The following GCN1 variants were observed in gnomAD, a reference collection of about 807,000 sequenced individuals.
GCN1 encodes stalled ribosome sensor GCN1.
A neutral mutation model predicts 288.4 loss-of-function variants in GCN1; 90 were observed. That is an observed-to-expected ratio of 0.31 (90% CI 0.26 to 0.37). GCN1 has a LOEUF of 0.37. Ranked by LOEUF, GCN1 falls within the 10% of genes least tolerant of loss-of-function variation. The pLI, the probability that GCN1 is intolerant of heterozygous loss-of-function variation, is 1.00. For synonymous variants in GCN1, 1,386 were observed against 1,420.2 expected, an observed-to-expected ratio of 0.98 and a Z score of 0.54; for missense variants, 2,586 against 3,419.9, an observed-to-expected ratio of 0.76 and a Z score of 6.08.
At chr12:120,157,578 T>C (rs1877789670) in intron 26 of GCN1, among the ~76,000 whole-genome samples, 1 of 152,218 alleles carries the variant, frequency 6.6e-6, no homozygotes, top group Non-Finnish European at 1.5e-5. Flanking sequence ...GGTACATCCA[T>C]AGCACAGAAT....
In GCN1 at chr12:120,158,426, C is replaced by G; in HGVS notation, c.2905+34G>C. 6.6e-7 allele frequency: 1 copy of G among 1,510,642 alleles called. No individual in the cohort carries two copies. The highest frequency in any genetic ancestry group is 1.3e-5 in the South Asian group (1 of 78,546). 93.6% of individuals were successfully genotyped at this position (1,510,642 alleles called of 1,614,324 possible). On this transcript the variant is annotated intron_variant, in intron 25 of 57. Transcript: ENST00000300648. This position sits in a 1 kb window ranked among gnomAD's most constrained non-coding sequence, Gnocchi z 4.3. The stretch of plus-strand genomic sequence containing the variant: ...CAGCATTCCTGGCACCAGCTCACAC[C>G]GCCTGGTGCCCCTGATCCCGTCCCA...
chr12:120,140,457 AC>A (rs1333079331), intron 45 of GCN1, among the ~76,000 whole-genome samples: 3 of 151,344 alleles, frequency 2.0e-5, no homozygotes, highest in Non-Finnish European at 4.4e-5. Flanking sequence ...GTGAGTGCAC[AC>A]CCCCTCCCGC....
chr12:120,189,970 ACT>A (rs916558485), intron 2 of GCN1, among the ~76,000 whole-genome samples: 3 of 152,014 alleles, frequency 2.0e-5, no homozygotes, highest in Non-Finnish European at 4.4e-5. Flanking sequence ...ACATCGTGAG[ACT>A]CTGTCTCAAA....
At chr12:120,135,259 C>T (rs781554707) in intron 51 of GCN1, among the ~76,000 whole-genome samples, 1 of 152,188 alleles carries the variant, frequency 6.6e-6, no homozygotes, top group Non-Finnish European at 1.5e-5. Context: ...CAAATGTGTA[C>T]CCACCTAACT....
chr12:120,129,297 C>A lies in GCN1; in HGVS notation c.7869G>T (p.Arg2623=), dbSNP rs1314171220. Reference sequence around the variant, plus strand: ...CCACCTGAAACACCTCTTCACCCTGCCGCATCTTGAGGAGGTTGACAATTG... The same window carrying A: ...CCACCTGAAACACCTCTTCACCCTGACGCATCTTGAGGAGGTTGACAATTG... ...DQAIVNLLKM[R]QGEEVFQSLS... Residue 2623 remains arginine, a synonymous_variant, in exon 57 of 58, where the codon CGG becomes CGT. Transcript: ENST00000300648. 1 of 1,613,954 alleles carries A rather than the reference C, an allele frequency of 6.2e-7. No individual in the cohort carries two copies. Among genetic ancestry groups the A allele is most frequent in the East Asian group, 2.2e-5 (1 of 44,876 alleles).
At position 120,144,533 on chromosome 12, in the gene GCN1, G is replaced by T; in HGVS notation, c.5353-85C>A. ...ACATGGGGCTCACTGAAGGCTGAGG[G>T]CTCTGCCAACCAACCCCAGCCAGCA... On this transcript the variant is annotated intron_variant, in intron 41 of 57. Coordinates refer to ENST00000300648, the MANE Select transcript of GCN1 (RefSeq NM_006836.2). This position sits in a 1 kb window ranked among gnomAD's most constrained non-coding sequence, Gnocchi z 4.7. 1 of 1,564,638 alleles carries T rather than the reference G, an allele frequency of 6.4e-7. No homozygotes were observed. The highest frequency in any genetic ancestry group is 8.7e-7 in the Non-Finnish European group (1 of 1,148,328).
intron 33 of GCN1, 90 bp from the exon 34 acceptor site, chr12:120,151,481 C>G (rs1333897670): frequency 7.4e-7 from 1 of 1,347,216 alleles, no homozygotes; most frequent in African/African-American, 1.4e-5. Context: ...CAGCACCCAC[C>G]ACTAGATGTC....
intron 26 of GCN1, chr12:120,157,205 T>A (rs1877778183): frequency 2.0e-6 from 1 of 496,616 alleles, no homozygotes; most frequent in African/African-American, 1.9e-5. Context: ...ATTCTGAAAC[T>A]TGCTTGAAAT....
At chr12:120,184,633 T>C (rs1388296989) in intron 3 of GCN1, among the ~76,000 whole-genome samples, 191 bp downstream of exon 3, 1 of 152,074 alleles carries the variant, frequency 6.6e-6, no homozygotes, top group African/African-American at 2.4e-5. Context: ...AATGGCACCA[T>C]CCCCATTCTG....
chr12:120,162,052 T>C lies in GCN1; in HGVS notation c.2170A>G (p.Met724Val), dbSNP rs1877949373. Residue 724 changes from methionine to valine, a missense_variant, in exon 21 of 58, where the codon ATG (methionine) becomes GTG (valine). Around this residue, in one of 8 missense-constraint regions of GCN1, gnomAD observed 913 missense variants for 1,107.0 expected, o/e 0.82. Coordinates refer to ENST00000300648, the MANE Select transcript of GCN1 (RefSeq NM_006836.2). ...ACGGAAAGGGAGCCCATGGCATTCA[T>C]GGAGGACTGCCAGACAAACGCAGAC... ...TTQSPLNQSS[M>V]NAMGSLSVLS... 1.9e-6 allele frequency: 3 copies of C among 1,612,392 alleles called. No homozygotes were observed. The highest frequency in any genetic ancestry group is 2.5e-6 in the Non-Finnish European group (3 of 1,179,992).
At chr12:120,163,667 T>C (rs1878008699) in intron 18 of GCN1, among the ~76,000 whole-genome samples, 2 of 152,104 alleles carry the variant, frequency 1.3e-5, no homozygotes, top group South Asian at 2.1e-4. Flanking sequence ...TGCAAGTCAT[T>C]TGAACTCCTA....
At chr12:120,181,839 C>CAAA (rs1253486479) in intron 5 of GCN1, among the ~76,000 whole-genome samples, 1,756 of 59,872 alleles carry the variant, frequency 0.029, 72 homozygotes, top group African/African-American at 0.099. Flanking sequence ...AACTCCGTCT[C>CAAA]AAAAAAAAAA....
chr12:120,140,708 G>A, intron 45 of GCN1, 151 bp downstream of exon 45: 1 of 661,312 alleles, frequency 1.5e-6, no homozygotes, highest in Non-Finnish European at 2.5e-6. Context: ...AGTCCATGTG[G>A]CCCAGCCAGC....
rs368127129 is a variant in GCN1 at position 120,137,677 on chromosome 12, G to A, written c.6531C>T (p.Ile2177=). The change falls in exon 49 of 58, where the codon ATC becomes ATT. Residue 2177 remains isoleucine (I), a synonymous_variant. Coordinates refer to ENST00000300648, the MANE Select transcript of GCN1 (RefSeq NM_006836.2). The surrounding 1 kb of genome is among the most constrained non-coding windows in gnomAD (Gnocchi z 5.2). ...MRQAAAIILN[I]YCSRSKADYT... ...AGTCAGCCTTTGAGCGGGAACAGTAGATGTTGAGGATGATGGCAGCAGCTT... is the reference window on the plus strand; with the variant it reads ...AGTCAGCCTTTGAGCGGGAACAGTAAATGTTGAGGATGATGGCAGCAGCTT... 17 of 1,614,074 alleles carry A rather than the reference G, an allele frequency of 1.1e-5. No homozygotes were observed. The highest frequency in any genetic ancestry group is 1.6e-4 in the Middle Eastern group (1 of 6,084).
rs113836526 is a variant in GCN1 at position 120,146,883 on chromosome 12, T to A, written c.4947+169A>T. 2.3e-3 allele frequency among the ~76,000 whole-genome samples: 352 copies of A among 152,340 alleles called. 4 individuals carry two copies. Among genetic ancestry groups the A allele is most frequent in the African/African-American group, 7.9e-3 (327 of 41,578 alleles). On this transcript the variant is annotated intron_variant, in intron 38 of 57. Coordinates refer to ENST00000300648, the MANE Select transcript of GCN1 (RefSeq NM_006836.2). ...AAGGACTTGAACCACTGCGCTAAGA[T>A]GCCCAGAGAGCCCGGATTTCCACCA...
chr12:120,152,711 T>A (rs936314056), intron 33 of GCN1, among the ~76,000 whole-genome samples: 31 of 147,882 alleles, frequency 2.1e-4, no homozygotes, highest in African/African-American at 7.2e-4. Context: ...CATGCGTGTT[T>A]TTCAAAACAA....
intron 15 of GCN1, chr12:120,168,535 C>G (rs964438492): frequency 2.3e-6 from 1 of 439,508 alleles, no homozygotes; most frequent in African/African-American, 2.0e-5. Context: ...GCTTCTCATC[C>G]GGAATTCCCA....
At chr12:120,186,816 T>C (rs1878835393) in intron 2 of GCN1, among the ~76,000 whole-genome samples, 1 of 152,214 alleles carries the variant, frequency 6.6e-6, no homozygotes, top group Non-Finnish European at 1.5e-5. Flanking sequence ...GCTATCTCCA[T>C]GTTCAAAGCA....
chr12:120,159,582 C>T (rs1209686178), intron 24 of GCN1, among the ~76,000 whole-genome samples: 1 of 152,232 alleles, frequency 6.6e-6, no homozygotes, highest in Non-Finnish European at 1.5e-5. Context: ...AGATCGAACA[C>T]TGACTAGCAT....
Sources: allele counts gnomAD v4.1 joint callset (sites outside exome capture counted in the v4.1 genomes callset), GRCh38; gene constraint gnomAD v4.1.1; regional missense constraint gnomAD v4.1.1; non-coding constraint Gnocchi (gnomAD v3.1); transcripts MANE v1.5; gene names NCBI Gene and HGNC (gene_info 2026-07-23, HGNC 2026-07-21).